CNTNAP2: variants seen among roughly 807,000 people sequenced by gnomAD.
CNTNAP2 encodes contactin associated protein 2.
In CNTNAP2, 98 loss-of-function variants were observed where a neutral mutation model predicts 155.2. The observed-to-expected ratio is 0.63, with a 90% CI of 0.54 to 0.75. The LOEUF is 0.75. Among genes scored for constraint, CNTNAP2 ranks in the 30% least tolerant of loss-of-function variants. The pLI is 0.00. For missense variants in CNTNAP2, 1,727 were observed against 1,688.1 expected (o/e 1.02, Z -0.40); for synonymous variants, 651 against 631.2 (o/e 1.03, Z -0.47).
chr7:148,037,396 T>A (rs947404854), intron 15 of CNTNAP2, among the ~76,000 whole-genome samples: 1 of 152,216 alleles, frequency 6.6e-6, no homozygotes, highest in Non-Finnish European at 1.5e-5. Context: ...CTGGGCCATG[T>A]CCAATCCGCA....
intron 8 of CNTNAP2, among the ~76,000 whole-genome samples, chr7:147,185,132 A>T (rs1254061977): frequency 1.3e-5 from 2 of 152,210 alleles, no homozygotes; most frequent in African/African-American, 4.8e-5. Flanking sequence ...AAAATTAATT[A>T]TACAAATATT....
chr7:148,400,987 A>T (rs893440558), intron 22 of CNTNAP2, among the ~76,000 whole-genome samples: 3 of 152,240 alleles, frequency 2.0e-5, no homozygotes, highest in African/African-American at 7.2e-5. Flanking sequence ...CTCAAAAAAA[A>T]AAAAAAGATT....
chr7:148,409,830 T>C (rs1563077680), intron 23 of CNTNAP2, among the ~76,000 whole-genome samples: 1 of 94,710 alleles, frequency 1.1e-5, no homozygotes. Context: ...GGCGGGCGGA[T>C]CACAAGGTCA....
At chr7:146,744,402 A>G (rs1801775464) in intron 1 of CNTNAP2, among the ~76,000 whole-genome samples, 1 of 152,152 alleles carries the variant, frequency 6.6e-6, no homozygotes, top group Non-Finnish European at 1.5e-5. Flanking sequence ...TATGCTGATT[A>G]TTCTGTGATT....
chr7:147,893,166 A>G (rs1799720306), intron 13 of CNTNAP2, among the ~76,000 whole-genome samples: 1 of 152,190 alleles, frequency 6.6e-6, no homozygotes, highest in Admixed American at 6.6e-5. Flanking sequence ...AATAAGCTGA[A>G]ATCATAGGTA....
intron 22 of CNTNAP2, among the ~76,000 whole-genome samples, chr7:148,385,736 G>GTTTT (rs398006728): frequency 1.0e-5 from 1 of 95,334 alleles, no homozygotes; most frequent in African/African-American, 4.0e-5. Flanking sequence ...AGTGTGACAG[G>GTTTT]TTTTTTTTTT....
At chr7:146,567,416 A>T (rs185287554) in intron 1 of CNTNAP2, among the ~76,000 whole-genome samples, 1 of 152,294 alleles carries the variant, frequency 6.6e-6, no homozygotes, top group Admixed American at 6.5e-5. Flanking sequence ...AAATCAATCA[A>T]TTTAATTATA....
In CNTNAP2 at chr7:146,440,303, G is replaced by A. The variant is rs1461972548; in HGVS notation, c.97+323330G>A. Reference sequence around the variant, plus strand: ...ACTTTTAAAATTTAAAGTGTGGTCAGTTAAAACTTATTTAACCTAACACTC... The same window carrying A: ...ACTTTTAAAATTTAAAGTGTGGTCAATTAAAACTTATTTAACCTAACACTC... On this transcript the variant is annotated intron_variant, in intron 1 of 23. Transcript: ENST00000361727. Among the ~76,000 whole-genome samples, 3 of 151,606 alleles carry A rather than the reference G, an allele frequency of 2.0e-5. No homozygotes were observed. In the East Asian group the frequency reaches 5.8e-4, roughly 29 times the overall value.
At chr7:147,428,689 T>G (rs1264678721) in intron 10 of CNTNAP2, among the ~76,000 whole-genome samples, 1 of 152,194 alleles carries the variant, frequency 6.6e-6, no homozygotes, top group Non-Finnish European at 1.5e-5. Context: ...GATTCATGCT[T>G]TAGAAAGATA....
chr7:147,084,523 A>G (rs1800227474), intron 4 of CNTNAP2, among the ~76,000 whole-genome samples: 1 of 136,660 alleles, frequency 7.3e-6, no homozygotes, highest in South Asian at 2.4e-4. Context: ...TTGTATATAC[A>G]TATAATACTA....
intron 11 of CNTNAP2, among the ~76,000 whole-genome samples, chr7:147,515,336 TG>T (rs1317690399): frequency 4.8e-5 from 7 of 145,428 alleles, no homozygotes; most frequent in South Asian, 2.3e-4. Context: ...TTTGTTTGTT[TG>T]TTTTGAGACA....
intron 8 of CNTNAP2, among the ~76,000 whole-genome samples, chr7:147,219,151 A>AT (rs1181981659): frequency 6.6e-6 from 1 of 152,112 alleles, no homozygotes; most frequent in Non-Finnish European, 1.5e-5. Flanking sequence ...TAATGAACCC[A>AT]TTTTCACAGT....
chr7:146,975,722 G>A (rs1407120728), intron 3 of CNTNAP2, among the ~76,000 whole-genome samples: 1 of 152,088 alleles, frequency 6.6e-6, no homozygotes, highest in Non-Finnish European at 1.5e-5. Flanking sequence ...CTCAAAATTA[G>A]GAAGGCTTTA....
At chr7:148,315,351 A>G (rs2116525462) in intron 21 of CNTNAP2, among the ~76,000 whole-genome samples, 1 of 152,192 alleles carries the variant, frequency 6.6e-6, no homozygotes, top group South Asian at 2.1e-4. Context: ...AGATTTGGGT[A>G]GGTAAAGGAA....
intron 2 of CNTNAP2, among the ~76,000 whole-genome samples, chr7:146,836,075 G>A (rs1351014335): frequency 1.3e-5 from 2 of 152,108 alleles, no homozygotes; most frequent in African/African-American, 4.8e-5. Flanking sequence ...TCTTGTAAAA[G>A]TGTGAATTAT....
intron 1 of CNTNAP2, among the ~76,000 whole-genome samples, chr7:146,301,540 G>A (rs1466533561): frequency 1.3e-5 from 2 of 151,944 alleles, no homozygotes; most frequent in Admixed American, 6.6e-5. Flanking sequence ...GCAGGAGAAT[G>A]GTGTGAACCC....
intron 12 of CNTNAP2, among the ~76,000 whole-genome samples, chr7:147,618,615 G>C (rs761324616): frequency 1.3e-5 from 2 of 149,534 alleles, no homozygotes; most frequent in African/African-American, 4.9e-5. Context: ...ACATAGAAAA[G>C]AATCAGGAAA....
At chr7:147,174,799 A>G (rs561765247) in intron 8 of CNTNAP2, among the ~76,000 whole-genome samples, 18 of 152,276 alleles carry the variant, frequency 1.2e-4, no homozygotes, top group South Asian at 2.1e-4. Context: ...TGATGGAAAT[A>G]AAAATAGGCA....
rs74708542 is a variant in CNTNAP2, at chr7:146,272,014, A to G, written c.97+155041A>G. Among the ~76,000 whole-genome samples the G allele has an allele frequency of 0.01, 1,596 of 152,304 alleles. 132 individuals carry two copies. The East Asian group carries it at 0.23, about 22-fold the overall frequency. ...CATTTAAAACTTTATAAGTAATCAAATAAAACTAAAATAATCTAACACTGT... is the reference window on the plus strand; with the variant it reads ...CATTTAAAACTTTATAAGTAATCAAGTAAAACTAAAATAATCTAACACTGT... On this transcript the variant is annotated intron_variant, in intron 1 of 23. Coordinates refer to ENST00000361727, the MANE Select transcript of CNTNAP2 (RefSeq NM_014141.6).
Sources: gnomAD v4.1 joint callset for allele counts (sites outside exome capture counted in the v4.1 genomes callset) on GRCh38, gnomAD v4.1.1 for gene constraint, MANE v1.5 for transcripts, NCBI Gene and HGNC (gene_info 2026-07-23, HGNC 2026-07-21) for gene names.